RPTOR: variants seen among roughly 807,000 people sequenced by gnomAD.
RPTOR encodes regulatory associated protein of MTOR complex 1, also known as regulatory-associated protein of mTOR.
Under a neutral mutation model 169.9 loss-of-function variants are expected in RPTOR, and 21 were observed. The observed-to-expected ratio is 0.12, with a 90% confidence interval of 0.09 to 0.18. The LOEUF (loss-of-function observed/expected upper bound fraction) is 0.18. Ranked by LOEUF, RPTOR falls within the 10% of genes least tolerant of loss-of-function variation. RPTOR has a pLI of 1.00. For synonymous variants in RPTOR, 732 were observed against 753.2 expected (o/e 0.97, Z 0.46); for missense variants, 1,133 against 1,855.9 (o/e 0.61, Z 7.16).
chr17:80,853,561 T>A (rs1288640256), intron 11 of RPTOR, among the ~76,000 whole-genome samples: 1 of 152,138 alleles, frequency 6.6e-6, no homozygotes, highest in Non-Finnish European at 1.5e-5. Flanking sequence ...ACCTGCCCCA[T>A]AAACACCCCT....
At chr17:80,590,413 G>A (rs531543129) in intron 1 of RPTOR, among the ~76,000 whole-genome samples, 7 of 149,696 alleles carry the variant, frequency 4.7e-5, no homozygotes, top group African/African-American at 1.5e-4. Flanking sequence ...GCAGGTATGC[G>A]CACACACGTG....
At chr17:80,589,283 C>T (rs575533237) in intron 1 of RPTOR, among the ~76,000 whole-genome samples, 7 of 152,212 alleles carry the variant, frequency 4.6e-5, no homozygotes, top group South Asian at 4.1e-4. Flanking sequence ...AGGGCTGAGA[C>T]GCGCCTGGGT....
At chr17:80,923,799 T>C (rs749141245) in intron 23 of RPTOR, 126 bp downstream of exon 23, 1 of 1,043,940 alleles carries the variant, frequency 9.6e-7, no homozygotes, top group Non-Finnish European at 1.4e-6. Flanking sequence ...CCTGCCGTCC[T>C]GGGTCTGTGG....
chr17:80,853,374 G>C (rs940285013), intron 11 of RPTOR, among the ~76,000 whole-genome samples: 3 of 152,124 alleles, frequency 2.0e-5, no homozygotes, highest in Admixed American at 6.5e-5. Context: ...TCTTCTCCTG[G>C]GGGGAGGGAA....
intron 5 of RPTOR, among the ~76,000 whole-genome samples, chr17:80,742,480 CACAT>C (rs1248474704): frequency 6.6e-6 from 1 of 151,990 alleles, no homozygotes; most frequent in East Asian, 1.9e-4. Context: ...TAAGCACATG[CACAT>C]ACAGACATGT....
At position 80,958,405 on chromosome 17, in the gene RPTOR, C is replaced by CTTTT. The variant is rs34955105; in HGVS notation, c.3477+695_3477+698dup. On this transcript the variant is annotated intron_variant, in intron 29 of 33. Coordinates refer to ENST00000306801, the MANE Select transcript of RPTOR (RefSeq NM_020761.3). ...TACAGAAGACAGAAGATTTTTGTTT[C>CTTTT]TTTTTTTTTTTTTTTTTTTTTTTGA... is the stretch of plus-strand genomic sequence containing the variant. 6.6e-3 allele frequency among the ~76,000 whole-genome samples: 556 copies of CTTTT among 83,620 alleles called. 57 individuals carry two copies. The highest frequency in any genetic ancestry group is 0.025 in the African/African-American group (466 of 18,926). 54.9% of individuals were successfully genotyped at this position (83,620 alleles called of 152,430 possible).
intron 13 of RPTOR, among the ~76,000 whole-genome samples, chr17:80,858,417 CCT>C (rs1209624566): frequency 6.6e-6 from 1 of 152,254 alleles, no homozygotes; most frequent in Non-Finnish European, 1.5e-5. Context: ...CCAGCTCTGT[CCT>C]CTCTGACGGG....
chr17:80,797,117 T>G (rs529423480), intron 7 of RPTOR, among the ~76,000 whole-genome samples: 24 of 152,230 alleles, frequency 1.6e-4, no homozygotes, highest in Middle Eastern at 3.4e-3. Context: ...TTTTTGTTTG[T>G]TTGGTTGTGT....
intron 13 of RPTOR, 24 bp from the exon 14 acceptor site, chr17:80,880,391 T>A (rs777587768): frequency 6.2e-7 from 1 of 1,610,632 alleles, no homozygotes; most frequent in South Asian, 1.1e-5. Flanking sequence ...ACTCACTGCC[T>A]CTCCTCTGTC....
At chr17:80,588,128 T>G (rs2065076986) in intron 1 of RPTOR, among the ~76,000 whole-genome samples, 1 of 152,096 alleles carries the variant, frequency 6.6e-6, no homozygotes, top group South Asian at 2.1e-4. Context: ...CTGAGTAGTA[T>G]TCCATGGTGC....
intron 5 of RPTOR, among the ~76,000 whole-genome samples, chr17:80,740,489 A>G (rs767968501): frequency 6.6e-6 from 1 of 152,202 alleles, no homozygotes; most frequent in African/African-American, 2.4e-5. Context: ...CAGCAAACCA[A>G]TATCTGTCAC....
rs188508894 is a variant in RPTOR, at chr17:80,548,013, A to C, written c.162+2222A>C. Among the ~76,000 whole-genome samples, 278 of 151,566 alleles carry C rather than the reference A, an allele frequency of 1.8e-3. 1 individual carries two copies. Among genetic ancestry groups the C allele is most frequent in the Middle Eastern group, 0.018 (5 of 284 alleles). ...ATATTCATACTAATTCAGATTTATT[A>C]CCAAACACACTGTAGTCCAACACTG... On this transcript the variant is annotated intron_variant, in intron 1 of 33. Coordinates refer to ENST00000306801, the MANE Select transcript of RPTOR (RefSeq NM_020761.3).
At chr17:80,791,290 T>C (rs570948488) in intron 6 of RPTOR, among the ~76,000 whole-genome samples, 160 bp from the exon 7 acceptor site, 7 of 152,368 alleles carry the variant, frequency 4.6e-5, no homozygotes, top group Admixed American at 6.5e-5. Flanking sequence ...AGATTTTCTT[T>C]ACAAATCTAA....
intron 3 of RPTOR, among the ~76,000 whole-genome samples, chr17:80,685,417 G>A (rs189355514): frequency 2.7e-4 from 41 of 150,720 alleles, no homozygotes; most frequent in African/African-American, 9.5e-4. Context: ...CTGGGACTAC[G>A]GCCGTGTACC....
intron 3 of RPTOR, among the ~76,000 whole-genome samples, chr17:80,660,037 G>A (rs1156859376): frequency 2.0e-5 from 3 of 152,114 alleles, no homozygotes; most frequent in Non-Finnish European, 2.9e-5. Context: ...TTGGGAAGCC[G>A]AGGTGGGCGG....
chr17:80,925,509 G>C, intron 24 of RPTOR, 29 bp downstream of exon 24: 3 of 1,536,046 alleles, frequency 2.0e-6, no homozygotes, highest in Non-Finnish European at 2.7e-6. Context: ...GTTCAGAGTA[G>C]AGTCCTAGCG....
At chr17:80,749,986 G>C (rs1241440529) in intron 5 of RPTOR, among the ~76,000 whole-genome samples, 2 of 151,876 alleles carry the variant, frequency 1.3e-5, no homozygotes, top group Non-Finnish European at 2.9e-5. Context: ...GAGAAGCCAG[G>C]ACTACAGGCA....
intron 6 of RPTOR, among the ~76,000 whole-genome samples, chr17:80,779,713 A>G (rs1020581705): frequency 6.6e-6 from 1 of 152,142 alleles, no homozygotes; most frequent in African/African-American, 2.4e-5. Flanking sequence ...AAGCAGATAA[A>G]AGCAGCAAGT....
chr17:80,805,852 T>C (rs2067213174), intron 7 of RPTOR, among the ~76,000 whole-genome samples: 1 of 152,110 alleles, frequency 6.6e-6, no homozygotes, highest in Admixed American at 6.5e-5. Flanking sequence ...CAATAATTTG[T>C]CGTTCTATAG....
Sources: gnomAD v4.1 joint callset for allele counts (sites outside exome capture counted in the v4.1 genomes callset) on GRCh38, gnomAD v4.1.1 for gene constraint, MANE v1.5 for transcripts, NCBI Gene and HGNC (gene_info 2026-07-23, HGNC 2026-07-21) for gene names.